The following ARAP2 variants were observed in gnomAD, a reference collection of about 807,000 sequenced individuals.
ARAP2 encodes the protein ArfGAP with RhoGAP domain, ankyrin repeat and PH domain 2, also known as arf-GAP with Rho-GAP domain, ANK repeat and PH domain-containing protein 2.
A neutral mutation model predicts 194.5 loss-of-function variants in ARAP2; 148 were observed. That is an observed-to-expected ratio of 0.76 (90% CI 0.67 to 0.87). The LOEUF is 0.87. Ranked by LOEUF, ARAP2 falls within the 40% of genes least tolerant of loss-of-function variation. The probability of loss-of-function intolerance (pLI) is 0.00; values close to 1 mark genes in which losing one functional copy is unlikely to be tolerated. For synonymous variants in ARAP2, 695 were observed against 683.5 expected, an observed-to-expected ratio of 1.02 and a Z score of -0.26; for missense variants, 2,128 against 1,989.7, an observed-to-expected ratio of 1.07 and a Z score of -1.32.
At chr4:36,161,373 A>C in intron 12 of ARAP2, 92 bp downstream of exon 12, 1 of 1,003,750 alleles carries the variant, frequency 1.0e-6, no homozygotes, top group Non-Finnish European at 1.5e-6. Context: ...CCCCGAGAAA[A>C]ATTCCTGCCA....
At chr4:36,022,659 A>C in intron 5 of ARAP2, among the ~76,000 whole-genome samples, 1 of 152,216 alleles carries the variant, frequency 6.6e-6, no homozygotes. Context: ...TTATCCTCAG[A>C]GAAGAGTCAC....
intron 22 of ARAP2, among the ~76,000 whole-genome samples, chr4:36,124,562 A>C (rs1449092741): frequency 1.3e-5 from 2 of 151,924 alleles, no homozygotes; most frequent in East Asian, 1.9e-4. Context: ...AAATACTGTC[A>C]TCACAGACAG....
rs563445235 is a variant in ARAP2 at position 36,081,398 on chromosome 4, A to G, written c.4544+853T>C. On this transcript the variant is annotated intron_variant, in intron 30 of 32. Transcript: ENST00000303965. Reference sequence around the variant, plus strand: ...AAGGTTTAGTAGAGGGACCATGTACATCACACATGCAGATCTGAAACAGCA... The same window carrying G: ...AAGGTTTAGTAGAGGGACCATGTACGTCACACATGCAGATCTGAAACAGCA... Among the ~76,000 whole-genome samples the G allele has an allele frequency of 2.0e-5, 3 of 152,332 alleles. No individual in the cohort carries two copies. The East Asian group carries it at 5.8e-4, about 29-fold the overall frequency.
intron 19 of ARAP2, among the ~76,000 whole-genome samples, chr4:36,146,264 C>T (rs1037521559): frequency 1.3e-5 from 2 of 151,994 alleles, no homozygotes; most frequent in Non-Finnish European, 2.9e-5. Context: ...ACTAAACACC[C>T]ACTTTCACTT....
At chr4:36,111,907 C>T (rs180984850) in intron 26 of ARAP2, among the ~76,000 whole-genome samples, 31 of 152,042 alleles carry the variant, frequency 2.0e-4, no homozygotes, top group East Asian at 1.2e-3. Context: ...GAGAGGGCAA[C>T]GGAGGTAGGG....
At chr4:36,119,605 T>C in intron 24 of ARAP2, 45 bp downstream of exon 24, 2 of 1,381,168 alleles carry the variant, frequency 1.4e-6, no homozygotes, top group Non-Finnish European at 2.0e-6. Flanking sequence ...CAATGGAAGT[T>C]TTTGTTTTGT....
At chr4:36,177,737 A>C in intron 9 of ARAP2, 90 bp downstream of exon 9, 1 of 1,310,002 alleles carries the variant, frequency 7.6e-7, no homozygotes, top group Non-Finnish European at 1.0e-6. Flanking sequence ...AAGACTCTAT[A>C]AGTAAAATCA....
At chr4:36,244,030 A>C (rs1335943239) in intron 1 of ARAP2, 149 bp downstream of exon 1, 2 of 152,190 alleles carry the variant, frequency 1.3e-5, no homozygotes, top group Non-Finnish European at 2.9e-5. Flanking sequence ...CGGGAGCGAA[A>C]TCCAAGGGGC....
intron 24 of ARAP2, among the ~76,000 whole-genome samples, chr4:36,118,317 A>G (rs1721882701): frequency 1.3e-5 from 2 of 150,704 alleles, no homozygotes; most frequent in South Asian, 4.1e-4. Context: ...CTTAAAAAGT[A>G]AATACAAAGA....
chr4:36,187,640 G>A lies in ARAP2; in HGVS notation c.1558-69C>T. On this transcript the variant is annotated intron_variant, in intron 7 of 32. Coordinates refer to ENST00000303965, the MANE Select transcript of ARAP2 (RefSeq NM_015230.4). ...TCTCTTGATCTTATCAAAAAAGAAT[G>A]GCACAGTATTTATAACTGCTTCTCT... 3 of 1,357,964 alleles carry A rather than the reference G, an allele frequency of 2.2e-6. No homozygotes were observed. The South Asian group carries it at 4.8e-5, about 22-fold the overall frequency. 84.1% of individuals were successfully genotyped at this position (1,357,964 alleles called of 1,614,324 possible).
chr4:36,171,139 A>G (rs954268261), intron 9 of ARAP2, among the ~76,000 whole-genome samples: 2 of 152,242 alleles, frequency 1.3e-5, no homozygotes, highest in Non-Finnish European at 2.9e-5. Context: ...CACCTACAGC[A>G]TCAGTTTCGT....
upstream of ARAP2, among the ~76,000 whole-genome samples, chr4:36,244,710 T>G (rs1420937795): frequency 1.3e-5 from 2 of 152,060 alleles, no homozygotes; most frequent in Admixed American, 1.3e-4. Context: ...CTGGGGAAGC[T>G]GCGGGGGCGC....
chr4:36,016,175 A>G (rs7686707), intron 6 of ARAP2, among the ~76,000 whole-genome samples: 69,624 of 151,974 alleles, frequency 0.46, 17,030 homozygotes, highest in African/African-American at 0.63. Context: ...TAAAATCTCT[A>G]ATGAACAAAC....
At chr4:36,194,736 A>G (rs1022601532) in intron 6 of ARAP2, among the ~76,000 whole-genome samples, 6 of 152,216 alleles carry the variant, frequency 3.9e-5, no homozygotes, top group Admixed American at 2.0e-4. Flanking sequence ...GATCAAATAT[A>G]AAAAATTTTT....
At chr4:36,213,137 A>C (rs1747127591) in intron 4 of ARAP2, 106 bp downstream of exon 4, 2 of 878,412 alleles carry the variant, frequency 2.3e-6, no homozygotes, top group Admixed American at 5.2e-5. Flanking sequence ...TTCAATCTTC[A>C]ATATAATGCC....
rs1177617161 is a variant in ARAP2 at position 36,121,278 on chromosome 4, G to A, written c.3795C>T (p.Ala1265=). The A allele has an allele frequency of 3.1e-6, 5 of 1,604,670 alleles. No homozygotes were observed. In the South Asian group the frequency reaches 5.6e-5, roughly 18 times the overall value. Residue 1265 remains alanine, a synonymous_variant, in exon 23 of 33, where the codon GCC becomes GCT. Coordinates refer to ENST00000303965, the MANE Select transcript of ARAP2 (RefSeq NM_015230.4). ...EINHMNAHNL[A]LVFSSCLFQT... ...GAAACAAACAGGATGAAAAGACCAA[G>A]GCCAAATTATGGGCATTCATGTGAT... is the stretch of plus-strand genomic sequence containing the variant.
Position 36,147,762 on chromosome 4 carries a change from CA to C in ARAP2, c.3001-17del, listed in dbSNP as rs762001604. The C allele has an allele frequency of 1.9e-6, 3 of 1,575,782 alleles. No homozygotes were observed. The highest frequency in any genetic ancestry group is 2.6e-6 in the Non-Finnish European group (3 of 1,162,084). The stretch of plus-strand genomic sequence containing the variant: ...GAACAAAATGCTGTTAAAACAAATA[CA>C]AAAAAGTAATAAAGACAGTGAAAAT... On this transcript the variant is annotated splice_polypyrimidine_tract_variant and intron_variant, in intron 17 of 32. Transcript: ENST00000303965.
chr4:36,061,017 CAT>C (rs1724339271), downstream of ARAP2, among the ~76,000 whole-genome samples: 1 of 151,984 alleles, frequency 6.6e-6, no homozygotes, highest in Non-Finnish European at 1.5e-5. Flanking sequence ...TAGTGCATAA[CAT>C]ATGTTTTAAA....
intron 1 of ARAP2, among the ~76,000 whole-genome samples, chr4:36,236,111 G>A (rs1752393907): frequency 6.6e-6 from 1 of 151,214 alleles, no homozygotes. Flanking sequence ...CTCAGGAGGA[G>A]GAGGTTTCAG....
Sources: allele counts gnomAD v4.1 joint callset (sites outside exome capture counted in the v4.1 genomes callset), GRCh38; gene constraint gnomAD v4.1.1; transcripts MANE v1.5; gene names NCBI Gene and HGNC (gene_info 2026-07-23, HGNC 2026-07-21).